The following C11orf65 variants were observed in gnomAD, a reference collection of about 807,000 sequenced individuals.
C11orf65 encodes the protein protein MFI.
A neutral mutation model predicts 35.3 loss-of-function variants in C11orf65; 38 were observed. That is an observed-to-expected ratio of 1.08 (90% CI 0.83 to 1.41). The LOEUF (loss-of-function observed/expected upper bound fraction) is 1.41, where lower values mean the gene tolerates loss of function less well. C11orf65 is among the 40% of genes most tolerant of loss of function. The pLI is 0.00. For missense variants in C11orf65, 370 were observed against 367.1 expected (o/e 1.01, Z -0.06); for synonymous variants, 105 against 114.4 (o/e 0.92, Z 0.53).
intron 3 of C11orf65, among the ~76,000 whole-genome samples, chr11:108,410,636 C>T (rs577718877): frequency 4.0e-5 from 6 of 151,814 alleles, no homozygotes; most frequent in South Asian, 2.1e-4. Flanking sequence ...ATTACAGATG[C>T]GAACCACCCT....
At chr11:108,392,447 A>G (rs552574385) in intron 7 of C11orf65, among the ~76,000 whole-genome samples, 2 of 152,200 alleles carry the variant, frequency 1.3e-5, no homozygotes, top group East Asian at 3.9e-4. Context: ...CTTTTTTGCT[A>G]TTATGATAAT....
intron 2 of C11orf65, among the ~76,000 whole-genome samples, chr11:108,433,168 A>G (rs2093013822): frequency 6.6e-6 from 1 of 152,046 alleles, no homozygotes; most frequent in Non-Finnish European, 1.5e-5. Context: ...TTAAAGTACC[A>G]AAGAGAGACT....
chr11:108,349,328 A>C (rs1451567246), intron 2 of C11orf65, among the ~76,000 whole-genome samples: 1 of 152,208 alleles, frequency 6.6e-6, no homozygotes, highest in Non-Finnish European at 1.5e-5. Flanking sequence ...ACCATACTGT[A>C]AAAAGGCAAG....
In C11orf65 at chr11:108,325,492, C is replaced by G. The variant is rs755531586; in HGVS notation, c.641-16421G>C. Reference sequence around the variant, plus strand: ...AGAGAATGTATTAAGGACATTCTCACCAAACACCTTGTAGAACTCTCTATA... The same window carrying G: ...AGAGAATGTATTAAGGACATTCTCAGCAAACACCTTGTAGAACTCTCTATA... On this transcript the variant is annotated intron_variant, in intron 6 of 6. Transcript: ENST00000525729. The G allele has an allele frequency of 3.1e-6, 5 of 1,613,290 alleles. No homozygotes were observed. The highest frequency in any genetic ancestry group is 2.2e-5 in the East Asian group (1 of 44,838).
chr11:108,467,189 G>A (rs942501970), intron 1 of C11orf65, among the ~76,000 whole-genome samples: 1 of 152,152 alleles, frequency 6.6e-6, no homozygotes, highest in African/African-American at 2.4e-5. Flanking sequence ...GGCGCAGTAT[G>A]AGCAGTAAGG....
At chr11:108,355,054 GA>G (rs1289099857) in intron 2 of C11orf65, 3 of 611,706 alleles carry the variant, frequency 4.9e-6, no homozygotes, top group Non-Finnish European at 8.7e-6. Flanking sequence ...TACTGGTTTA[GA>G]AATGCCTTCA....
intron 1 of C11orf65, among the ~76,000 whole-genome samples, chr11:108,464,868 A>C (rs184446418): frequency 6.5e-4 from 99 of 152,308 alleles, no homozygotes; most frequent in African/African-American, 2.2e-3. Flanking sequence ...ATTAAAAAAA[A>C]CAGCGTGCAT....
chr11:108,380,902 T>C (rs1219602797), downstream of C11orf65, among the ~76,000 whole-genome samples: 1 of 152,186 alleles, frequency 6.6e-6, no homozygotes, highest in African/African-American at 2.4e-5. Flanking sequence ...AAATGCATGA[T>C]TTACTATTAT....
chr11:108,370,847 CT>C (rs2091551730), intron 2 of C11orf65, among the ~76,000 whole-genome samples: 1 of 152,102 alleles, frequency 6.6e-6, no homozygotes, highest in Admixed American at 6.5e-5. Flanking sequence ...TCCATTTTAT[CT>C]ATTGCTTTAT....
chr11:108,458,142 T>C (rs2093429330), intron 2 of C11orf65, among the ~76,000 whole-genome samples: 1 of 152,132 alleles, frequency 6.6e-6, no homozygotes, highest in Admixed American at 6.6e-5. Context: ...AATTTATTAC[T>C]ATTTTTGTTT....
At chr11:108,362,745 A>G (rs1389640054) in intron 2 of C11orf65, among the ~76,000 whole-genome samples, 1 of 144,138 alleles carries the variant, frequency 6.9e-6, no homozygotes, top group Admixed American at 7.1e-5. Flanking sequence ...TGGGAATTGA[A>G]CAATGAGAAC....
intron 2 of C11orf65, among the ~76,000 whole-genome samples, chr11:108,458,901 G>A (rs2093437892): frequency 6.6e-6 from 1 of 151,954 alleles, no homozygotes; most frequent in Non-Finnish European, 1.5e-5. Context: ...TCACAATTAT[G>A]TGGGAAAAAA....
intron 3 of C11orf65, among the ~76,000 whole-genome samples, chr11:108,410,192 T>A (rs2092629238): frequency 6.6e-6 from 1 of 152,172 alleles, no homozygotes; most frequent in Non-Finnish European, 1.5e-5. Flanking sequence ...GGTTGCTCCG[T>A]CTCTTTATCA....
At chr11:108,314,490 C>T (rs910827646) in intron 6 of C11orf65, among the ~76,000 whole-genome samples, 3 of 151,082 alleles carry the variant, frequency 2.0e-5, no homozygotes, top group Non-Finnish European at 4.4e-5. Flanking sequence ...CCTGGTAGGT[C>T]GGTACTTATT....
chr11:108,438,233 C>A (rs956492726), intron 2 of C11orf65, among the ~76,000 whole-genome samples: 1 of 152,130 alleles, frequency 6.6e-6, no homozygotes, highest in African/African-American at 2.4e-5. Flanking sequence ...TAATTTACAC[C>A]ATATGCAACA....
intron 2 of C11orf65, among the ~76,000 whole-genome samples, chr11:108,437,274 A>C (rs2093075152): frequency 6.6e-6 from 1 of 150,910 alleles, no homozygotes; most frequent in African/African-American, 2.4e-5. Context: ...GTGACAGAGC[A>C]AGAACTTGCC....
chr11:108,315,019 C>T (rs530240492), intron 6 of C11orf65, among the ~76,000 whole-genome samples: 12 of 152,286 alleles, frequency 7.9e-5, no homozygotes, highest in Admixed American at 5.2e-4. Flanking sequence ...CTTTTCTCTG[C>T]ATCTTGGAAG....
intron 2 of C11orf65, among the ~76,000 whole-genome samples, chr11:108,450,016 A>G (rs1052630960): frequency 2.0e-4 from 31 of 152,206 alleles, no homozygotes; most frequent in African/African-American, 7.5e-4. Context: ...TATGCAGCCA[A>G]AAAACACATG....
chr11:108,455,024 T>C (rs1391225416), intron 2 of C11orf65, among the ~76,000 whole-genome samples: 1 of 152,216 alleles, frequency 6.6e-6, no homozygotes, highest in Admixed American at 6.5e-5. Flanking sequence ...AAATTCCCCT[T>C]TAGAATTGCC....
Sources: allele counts gnomAD v4.1 joint callset (sites outside exome capture counted in the v4.1 genomes callset), GRCh38; gene constraint gnomAD v4.1.1; transcripts MANE v1.5; gene names NCBI Gene and HGNC (gene_info 2026-07-23, HGNC 2026-07-21).